The following DCC variants were observed in gnomAD, a reference collection of about 807,000 sequenced individuals.
DCC encodes the protein DCC netrin 1 receptor, also known as netrin receptor DCC.
In DCC, 58 loss-of-function variants were observed where a neutral mutation model predicts 172.5. The ratio of observed to expected loss-of-function variants is 0.34; its 90% CI spans 0.27 to 0.42. The LOEUF is 0.42. Ranked by LOEUF, DCC falls within the 10% of genes least tolerant of loss-of-function variation. The pLI is 1.00. For synonymous variants in DCC, 709 were observed against 644.5 expected (o/e 1.10, Z -1.52); for missense variants, 1,740 against 1,791.0 (o/e 0.97, Z 0.51).
intron 1 of DCC, among the ~76,000 whole-genome samples, chr18:52,613,862 A>G (rs2144845935): frequency 6.6e-6 from 1 of 152,284 alleles, no homozygotes; most frequent in Non-Finnish European, 1.5e-5. Flanking sequence ...GTTATATCCA[A>G]CACTGGGAAG....
intron 1 of DCC, among the ~76,000 whole-genome samples, chr18:52,416,297 G>A (rs1347916649): frequency 2.6e-5 from 4 of 151,922 alleles, no homozygotes; most frequent in African/African-American, 9.7e-5. Flanking sequence ...TTCCAAGTAT[G>A]TGGTCAATTT....
rs59898050 is a variant in DCC at position 53,090,698 on chromosome 18, C to CAAAAAAAAAAAAAAAAAAAAAA, written c.1261+24547_1261+24568dup. ...GACAGAGCGAAACTCCGTCCCCCAA[C>CAAAAAAAAAAAAAAAAAAAAAA]AAAAAAAAAAAAAAAAAAAAAAAAA... On this transcript the variant is annotated intron_variant, in intron 7 of 28. Coordinates refer to ENST00000442544, the MANE Select transcript of DCC (RefSeq NM_005215.4). Among the ~76,000 whole-genome samples the CAAAAAAAAAAAAAAAAAAAAAA allele has an allele frequency of 1.6e-3, 62 of 39,356 alleles. 9 individuals are homozygous for CAAAAAAAAAAAAAAAAAAAAAA. Among genetic ancestry groups the CAAAAAAAAAAAAAAAAAAAAAA allele is most frequent in the Non-Finnish European group, 2.1e-3 (38 of 18,214 alleles). 25.8% of individuals were successfully genotyped at this position (39,356 alleles called of 152,430 possible). A position where few individuals can be genotyped will look rare whatever the true frequency, so the allele number is the denominator to read the frequency against.
At chr18:53,067,821 T>A (rs2042595042) in intron 7 of DCC, among the ~76,000 whole-genome samples, 1 of 152,192 alleles carries the variant, frequency 6.6e-6, no homozygotes, top group African/African-American at 2.4e-5. Flanking sequence ...AATCTTTTCC[T>A]GAAGTAAGTT....
intron 7 of DCC, among the ~76,000 whole-genome samples, chr18:53,139,305 C>T (rs1215153225): frequency 6.6e-6 from 1 of 152,084 alleles, no homozygotes; most frequent in Non-Finnish European, 1.5e-5. Context: ...CAGCTTTCTT[C>T]TGGGATCAGA....
At chr18:53,078,053 T>C (rs1359304785) in intron 7 of DCC, among the ~76,000 whole-genome samples, 1 of 152,178 alleles carries the variant, frequency 6.6e-6, no homozygotes, top group African/African-American at 2.4e-5. Flanking sequence ...CTAATCTTAA[T>C]TATCAAATGC....
intron 7 of DCC, among the ~76,000 whole-genome samples, chr18:53,068,230 G>A (rs1380190920): frequency 6.6e-6 from 1 of 151,980 alleles, no homozygotes; most frequent in Non-Finnish European, 1.5e-5. Context: ...TTTAAAATCA[G>A]GGTCTCTAAT....
chr18:52,775,595 A>G (rs2037415793), intron 2 of DCC, among the ~76,000 whole-genome samples: 2 of 152,120 alleles, frequency 1.3e-5, no homozygotes, highest in South Asian at 4.1e-4. Flanking sequence ...CTTTCCTCCA[A>G]CTGCCGGGTC....
At chr18:53,277,687 G>T (rs578069771) in intron 12 of DCC, among the ~76,000 whole-genome samples, 22 of 152,168 alleles carry the variant, frequency 1.4e-4, no homozygotes, top group African/African-American at 5.1e-4. Flanking sequence ...GTGATCCTTT[G>T]ATCATTTGGA....
At chr18:53,496,755 A>G (rs1447944828) in intron 26 of DCC, among the ~76,000 whole-genome samples, 1 of 152,248 alleles carries the variant, frequency 6.6e-6, no homozygotes, top group Non-Finnish European at 1.5e-5. Context: ...ATGAATTGCT[A>G]TCTAGAATAA....
chr18:53,219,643 C>A (rs1393273624), intron 12 of DCC, among the ~76,000 whole-genome samples: 1 of 152,134 alleles, frequency 6.6e-6, no homozygotes, highest in South Asian at 2.1e-4. Context: ...AGCTGGTACT[C>A]AGTCACTCAC....
At chr18:53,040,410 C>A (rs576271234) in intron 5 of DCC, among the ~76,000 whole-genome samples, 1 of 151,796 alleles carries the variant, frequency 6.6e-6, no homozygotes, top group Non-Finnish European at 1.5e-5. Context: ...CTACATAAAC[C>A]GAAAAGCATA....
At chr18:52,761,338 A>G (rs1433401753) in intron 2 of DCC, among the ~76,000 whole-genome samples, 1 of 152,218 alleles carries the variant, frequency 6.6e-6, no homozygotes, top group African/African-American at 2.4e-5. Context: ...ATGGTAATTC[A>G]AGATTAGATT....
At chr18:52,826,600 C>T (rs1407012304) in intron 2 of DCC, among the ~76,000 whole-genome samples, 1 of 152,148 alleles carries the variant, frequency 6.6e-6, no homozygotes, top group East Asian at 1.9e-4. Context: ...CCGGCCTCAG[C>T]TTCCTGCGTA....
chr18:53,512,576 G>T (rs1366985142), intron 27 of DCC, among the ~76,000 whole-genome samples: 3 of 149,508 alleles, frequency 2.0e-5, no homozygotes, highest in Admixed American at 2.0e-4. Flanking sequence ...AAATTTAGAA[G>T]AATGTATAAC....
At chr18:52,835,079 C>G (rs954427447) in intron 2 of DCC, among the ~76,000 whole-genome samples, 1 of 152,140 alleles carries the variant, frequency 6.6e-6, no homozygotes, top group African/African-American at 2.4e-5. Flanking sequence ...TTTAAATGCA[C>G]TTTAGTAATT....
chr18:53,264,546 G>A (rs1218937739), intron 12 of DCC, among the ~76,000 whole-genome samples: 1 of 151,332 alleles, frequency 6.6e-6, no homozygotes, highest in African/African-American at 2.4e-5. Context: ...CAATCCCCAT[G>A]CAATGCTCTT....
At chr18:53,107,803 A>G (rs575866602) in intron 7 of DCC, among the ~76,000 whole-genome samples, 3 of 152,010 alleles carry the variant, frequency 2.0e-5, no homozygotes, top group South Asian at 4.1e-4. Flanking sequence ...TTAGAGGACA[A>G]TAATCTAGGT....
chr18:52,581,561 C>T (rs1390968689), intron 1 of DCC, among the ~76,000 whole-genome samples: 1 of 152,094 alleles, frequency 6.6e-6, no homozygotes, highest in Non-Finnish European at 1.5e-5. Flanking sequence ...ATAAGAATCT[C>T]TTGTTGGCTT....
At position 52,500,614 on chromosome 18, in the gene DCC, C is replaced by T. The variant is rs183447325; in HGVS notation, c.91+159736C>T. Among the ~76,000 whole-genome samples the T allele has an allele frequency of 4.2e-4, 64 of 152,178 alleles. No individual in the cohort carries two copies. The East Asian group carries it at 0.01, about 24-fold the overall frequency. ...TATTTCTCTCCCTACCTTGTCTTTC[C>T]GTGTAAAAACTTTAGATGAATACAA... On this transcript the variant is annotated intron_variant, in intron 1 of 28. Transcript: ENST00000442544.
Sources: gnomAD v4.1 joint callset for allele counts (sites outside exome capture counted in the v4.1 genomes callset) on GRCh38, gnomAD v4.1.1 for gene constraint, MANE v1.5 for transcripts, NCBI Gene and HGNC (gene_info 2026-07-23, HGNC 2026-07-21) for gene names.